The following GRM7 variants were observed in gnomAD, a reference collection of about 807,000 sequenced individuals.
GRM7 encodes the protein metabotropic glutamate receptor 7.
Under a neutral mutation model 84.5 loss-of-function variants are expected in GRM7, and 35 were observed. That is an observed-to-expected ratio of 0.41 (90% confidence interval 0.32 to 0.55). The LOEUF (loss-of-function observed/expected upper bound fraction) is 0.55, where lower values mean the gene tolerates loss of function less well. Among genes scored for constraint, GRM7 ranks in the 20% least tolerant of loss-of-function variants. The pLI, the probability that GRM7 is intolerant of heterozygous loss-of-function variation, is 0.19. For synonymous variants in GRM7, 487 were observed against 455.1 expected (o/e 1.07, Z -0.89); for missense variants, 1,003 against 1,194.6 (o/e 0.84, Z 2.36).
chr3:7,681,399 A>G (rs2125141969), intron 9 of GRM7: 1 of 152,368 alleles, frequency 6.6e-6, no homozygotes, highest in South Asian at 2.1e-4. Context: ...TTTAATAAAA[A>G]CCAAGAAGCC....
At chr3:6,964,429 T>C (rs1693429996) in intron 1 of GRM7, among the ~76,000 whole-genome samples, 2 of 152,196 alleles carry the variant, frequency 1.3e-5, no homozygotes, top group South Asian at 4.1e-4. Context: ...ACGCATTGTG[T>C]AAGGACTTAA....
intron 4 of GRM7, among the ~76,000 whole-genome samples, chr3:7,394,455 T>G (rs776204253): frequency 9.2e-5 from 14 of 152,186 alleles, no homozygotes; most frequent in Non-Finnish European, 1.8e-4. Flanking sequence ...AAAGAGAAAC[T>G]TCATGTCACC....
chr3:7,295,021 A>G (rs1024475848), intron 2 of GRM7, among the ~76,000 whole-genome samples: 4 of 152,206 alleles, frequency 2.6e-5, no homozygotes, highest in South Asian at 2.1e-4. Context: ...ATAAAATCCA[A>G]TTTATCACGT....
At position 7,188,072 on chromosome 3, in the gene GRM7, A is replaced by T. The variant is rs2125103058; in HGVS notation, c.736+41404A>T. On this transcript the variant is annotated intron_variant, in intron 2 of 9. Coordinates refer to ENST00000357716, the MANE Select transcript of GRM7 (RefSeq NM_000844.4). The surrounding 1 kb of genome is among the most constrained non-coding windows in gnomAD (Gnocchi z 4.2). ...AGTTCCCTGGTGAGTTTAATAGAGG[A>T]GGAATGATGTGGGGTGGGTATTGGC... Among the ~76,000 whole-genome samples the T allele has an allele frequency of 6.6e-6, 1 of 152,204 alleles. No homozygotes were observed. The highest frequency in any genetic ancestry group is 2.1e-4 in the South Asian group (1 of 4,820).
At chr3:6,955,276 C>A (rs895382285) in intron 1 of GRM7, among the ~76,000 whole-genome samples, 8 of 152,306 alleles carry the variant, frequency 5.3e-5, no homozygotes, top group Admixed American at 1.3e-4. Context: ...TGGCTTACGC[C>A]TGTAATCCCA....
At chr3:7,354,560 C>A (rs1411237474) in intron 4 of GRM7, among the ~76,000 whole-genome samples, 3 of 151,964 alleles carry the variant, frequency 2.0e-5, no homozygotes, top group Non-Finnish European at 1.5e-5. Flanking sequence ...AACAATATTG[C>A]ATCCCTGGAG....
chr3:7,382,254 C>T (rs1336182470), intron 4 of GRM7, among the ~76,000 whole-genome samples: 2 of 152,008 alleles, frequency 1.3e-5, no homozygotes, highest in Non-Finnish European at 2.9e-5. Context: ...ATCTTATGAG[C>T]TTTGATTGCC....
intron 1 of GRM7, among the ~76,000 whole-genome samples, chr3:6,927,475 AAGAAAGAAAG>A (rs1210952294): frequency 1.6e-5 from 1 of 61,086 alleles, no homozygotes; most frequent in East Asian, 3.3e-4. Flanking sequence ...GAAAGAAAGA[AAGAAAGAAAG>A]AAAGAAAGAA....
intron 7 of GRM7, among the ~76,000 whole-genome samples, chr3:7,537,837 T>G (rs1474555671): frequency 6.6e-6 from 1 of 152,202 alleles, no homozygotes; most frequent in Admixed American, 6.5e-5. Context: ...TTTTGACTAA[T>G]AGGCCCACTA....
At chr3:6,979,522 T>C (rs752552266) in intron 1 of GRM7, among the ~76,000 whole-genome samples, 5 of 151,382 alleles carry the variant, frequency 3.3e-5, no homozygotes, top group Non-Finnish European at 7.3e-5. Context: ...ATCTCAGTGA[T>C]ATTTATTAAC....
chr3:7,511,344 C>T (rs1285802423), intron 7 of GRM7, among the ~76,000 whole-genome samples: 1 of 151,262 alleles, frequency 6.6e-6, no homozygotes, highest in African/African-American at 2.5e-5. Flanking sequence ...AGTAAAATCA[C>T]ACCTGAGCCT....
intron 9 of GRM7, among the ~76,000 whole-genome samples, chr3:7,684,233 G>C (rs1043133663): frequency 6.6e-6 from 1 of 152,106 alleles, no homozygotes; most frequent in Non-Finnish European, 1.5e-5. Context: ...AGAGATAAAT[G>C]ACATTATTTT....
intron 1 of GRM7, among the ~76,000 whole-genome samples, chr3:6,901,637 A>AT (rs1491097243): frequency 7.5e-6 from 1 of 133,204 alleles, no homozygotes; most frequent in African/African-American, 3.0e-5. Flanking sequence ...AAAAAAAAAA[A>AT]TATGTAGAAT....
intron 4 of GRM7, among the ~76,000 whole-genome samples, chr3:7,319,797 G>C (rs1459071793): frequency 6.6e-6 from 1 of 151,888 alleles, no homozygotes; most frequent in Non-Finnish European, 1.5e-5. Flanking sequence ...TTGATTTAAA[G>C]ACACTTATTT....
intron 8 of GRM7, among the ~76,000 whole-genome samples, chr3:7,644,831 T>C (rs897569627): frequency 6.6e-6 from 1 of 152,178 alleles, no homozygotes; most frequent in African/African-American, 2.4e-5. Context: ...CTGGACAGTC[T>C]ATATAAATTC....
rs534030703 is a variant in GRM7 at position 6,950,266 on chromosome 3, C to G, written c.519+88359C>G. 1.7e-3 allele frequency among the ~76,000 whole-genome samples: 253 copies of G among 151,272 alleles called. 1 individual carries two copies. Among genetic ancestry groups the G allele is most frequent in the Non-Finnish European group, 2.5e-3 (171 of 67,752 alleles). ...ATGTCCTTTCTGTTTGTTAGTTTTC[C>G]TTCTAATAGTCAGGACCCTCAGCTG... On this transcript the variant is annotated intron_variant, in intron 1 of 9. Coordinates refer to ENST00000357716, the MANE Select transcript of GRM7 (RefSeq NM_000844.4).
At chr3:6,889,118 A>C (rs1695826056) in intron 1 of GRM7, among the ~76,000 whole-genome samples, 1 of 152,150 alleles carries the variant, frequency 6.6e-6, no homozygotes, top group African/African-American at 2.4e-5. Flanking sequence ...TTGTCAGCTT[A>C]AGGAGATTTT....
chr3:7,055,102 C>T (rs190467417), intron 1 of GRM7, among the ~76,000 whole-genome samples: 119 of 151,992 alleles, frequency 7.8e-4, no homozygotes, highest in East Asian at 7.8e-4. Flanking sequence ...TTTGCTTAGA[C>T]CTAATGCAAA....
intron 1 of GRM7, among the ~76,000 whole-genome samples, chr3:7,031,448 G>A (rs928305689): frequency 2.0e-5 from 3 of 151,380 alleles, no homozygotes; most frequent in African/African-American, 7.3e-5. Flanking sequence ...ATGGAGTCTT[G>A]CTCTGTCGCC....
Sources: gnomAD v4.1 joint callset for allele counts (sites outside exome capture counted in the v4.1 genomes callset) on GRCh38, gnomAD v4.1.1 for gene constraint, Gnocchi (gnomAD v3.1) non-coding constraint, MANE v1.5 for transcripts, NCBI Gene and HGNC (gene_info 2026-07-23, HGNC 2026-07-21) for gene names.